The following NUP43 variants were observed in gnomAD, a reference collection of about 807,000 sequenced individuals.
NUP43 encodes the protein nucleoporin 43.
In NUP43, 32 loss-of-function variants were observed where a neutral mutation model predicts 47.3. The ratio of observed to expected loss-of-function variants is 0.68; its 90% CI spans 0.51 to 0.91. NUP43 has a LOEUF of 0.91. Among genes scored for constraint, NUP43 ranks in the 40% least tolerant of loss-of-function variants. NUP43 has a pLI of 0.00. For missense variants in NUP43, 444 were observed against 453.9 expected (o/e 0.98, Z 0.20); for synonymous variants, 147 against 158.4 (o/e 0.93, Z 0.54).
At chr6:149,743,191 T>TAAATA (rs550945005) in intron 3 of NUP43, among the ~76,000 whole-genome samples, 10 of 149,780 alleles carry the variant, frequency 6.7e-5, no homozygotes, top group Non-Finnish European at 1.3e-4. Context: ...AAAAAATAAA[T>TAAATA]AAATAAAATA....
Position 149,726,809 on chromosome 6 carries a change from T to C in NUP43, c.*160A>G. 1.6e-6 allele frequency: 1 copy of C among 620,042 alleles called. No individual in the cohort carries two copies. The allele number at this position is 620,042 out of a possible 1,614,324, so 38.4% of individuals were successfully genotyped here. ...CGGATTCTACAACTGTTTGGGAGTG[T>C]CAGGCTAACAAAAGTCAAAACTGGG... On this transcript the variant is annotated 3_prime_UTR_variant, in exon 8 of 8. Coordinates refer to ENST00000340413, the MANE Select transcript of NUP43 (RefSeq NM_198887.3).
upstream of NUP43, chr6:149,746,671 C>T (rs1490884485): frequency 6.4e-7 from 1 of 1,550,652 alleles, no homozygotes; most frequent in South Asian, 1.2e-5. Context: ...ACTGAGAGGC[C>T]CACCCATCTC....
chr6:149,745,702 G>A (rs1208755601), intron 2 of NUP43, among the ~76,000 whole-genome samples: 5 of 152,154 alleles, frequency 3.3e-5, no homozygotes, highest in Non-Finnish European at 5.9e-5. Flanking sequence ...TCCCCAAACG[G>A]TATTTAGCAC....
At chr6:149,732,588 G>C (rs1271705703) in intron 6 of NUP43, among the ~76,000 whole-genome samples, 1 of 151,800 alleles carries the variant, frequency 6.6e-6, no homozygotes, top group African/African-American at 2.4e-5. Flanking sequence ...GCTCATGCCT[G>C]TAATCCTACC....
intron 7 of NUP43, chr6:149,729,557 A>C (rs1364928752): frequency 3.1e-6 from 3 of 981,658 alleles, no homozygotes; most frequent in Non-Finnish European, 3.6e-6. Context: ...TTCAACAGTC[A>C]AGTAGCAGGG....
Position 149,736,535 on chromosome 6 carries a change from C to G in NUP43, c.726G>C (p.Leu242Phe). The change falls in exon 6 of 8, where the codon TTG becomes TTC. Residue 242 changes from leucine (L) to phenylalanine (F), a missense_variant. Leu to Phe is a conservative substitution (Grantham distance 22). Transcript: ENST00000340413. ...TACCTTGTCTAACATCCCAAATACT[C>G]AACATTCCATCTTGGCCACCAGTAG... ...VVATGGQDGM[L>F]SIWDVRQGTM... 1 of 1,612,248 alleles carries G rather than the reference C, an allele frequency of 6.2e-7. No homozygotes were observed. The highest frequency in any genetic ancestry group is 8.5e-7 in the Non-Finnish European group (1 of 1,178,430).
intron 3 of NUP43, 57 bp downstream of exon 3, chr6:149,743,581 G>T: frequency 1.8e-6 from 2 of 1,140,774 alleles, no homozygotes; most frequent in Non-Finnish European, 2.6e-6. Flanking sequence ...CGGGCAACAA[G>T]AGCAAAACTC....
chr6:149,739,736 T>C (rs1785550073), intron 4 of NUP43, among the ~76,000 whole-genome samples: 1 of 152,134 alleles, frequency 6.6e-6, no homozygotes, highest in Non-Finnish European at 1.5e-5. Flanking sequence ...TTCCATTCTA[T>C]TGAGCCAAAC....
At chr6:149,734,266 T>C (rs1785207831) in intron 6 of NUP43, among the ~76,000 whole-genome samples, 1 of 151,574 alleles carries the variant, frequency 6.6e-6, no homozygotes, top group African/African-American at 2.4e-5. Flanking sequence ...CCCCAGGAGG[T>C]TGAGGCTTAA....
At chr6:149,733,575 A>T (rs1785166717) in intron 6 of NUP43, among the ~76,000 whole-genome samples, 1 of 151,824 alleles carries the variant, frequency 6.6e-6, no homozygotes. Flanking sequence ...CCTCCTGAGT[A>T]GCTAGGACTA....
chr6:149,737,182 G>C (rs1049438460), intron 5 of NUP43, among the ~76,000 whole-genome samples: 1 of 151,964 alleles, frequency 6.6e-6, no homozygotes, highest in Admixed American at 6.6e-5. Context: ...TACTTGGGAG[G>C]CTGAGGCATG....
intron 6 of NUP43, among the ~76,000 whole-genome samples, chr6:149,736,088 A>G (rs1364069128): frequency 5.9e-5 from 9 of 151,626 alleles, no homozygotes; most frequent in African/African-American, 2.2e-4. Context: ...GACCAGCCTG[A>G]CCAACATGGA....
At chr6:149,730,183 A>G (rs1784961979) in intron 7 of NUP43, among the ~76,000 whole-genome samples, 2 of 151,310 alleles carry the variant, frequency 1.3e-5, no homozygotes. Flanking sequence ...CTAATTTTGT[A>G]TTTTTAGTAG....
intron 6 of NUP43, among the ~76,000 whole-genome samples, chr6:149,735,860 C>T (rs1785309198): frequency 6.6e-6 from 1 of 150,648 alleles, no homozygotes; most frequent in Non-Finnish European, 1.5e-5. Context: ...ATAGTCCTAT[C>T]TACTTGGGAG....
At chr6:149,743,744 A>G (rs768225815) in intron 2 of NUP43, 29 bp from the exon 3 acceptor site, 32 of 1,353,092 alleles carry the variant, frequency 2.4e-5, no homozygotes, top group Non-Finnish European at 4.2e-6. Context: ...CTTGTTAAAG[A>G]TTCAGAAATA....
chr6:149,730,977 A>T (rs9688350), intron 7 of NUP43, among the ~76,000 whole-genome samples: 59,760 of 151,678 alleles, frequency 0.39, 12,681 homozygotes, highest in East Asian at 0.81. Context: ...ATAAAATTAC[A>T]CATAACAGGC....
intron 7 of NUP43, among the ~76,000 whole-genome samples, chr6:149,729,784 G>A (rs1043774977): frequency 1.3e-5 from 2 of 151,822 alleles, no homozygotes; most frequent in Non-Finnish European, 2.9e-5. Context: ...TCGACATTTC[G>A]TTCTGCTCAC....
chr6:149,732,313 A>C (rs1785097161), intron 6 of NUP43, among the ~76,000 whole-genome samples: 1 of 152,004 alleles, frequency 6.6e-6, no homozygotes, highest in Non-Finnish European at 1.5e-5. Context: ...TGGGAGGCCA[A>C]GGTGGGTGGA....
upstream of NUP43, among the ~76,000 whole-genome samples, chr6:149,747,146 C>A (rs1309430903): frequency 1.3e-5 from 2 of 152,160 alleles, no homozygotes; most frequent in East Asian, 3.8e-4. Flanking sequence ...TTTCTAGGTT[C>A]CTTCTGTGCT....
Sources: allele counts gnomAD v4.1 joint callset (sites outside exome capture counted in the v4.1 genomes callset), GRCh38; gene constraint gnomAD v4.1.1; transcripts MANE v1.5; gene names NCBI Gene and HGNC (gene_info 2026-07-23, HGNC 2026-07-21).